Variants in KLHL2 observed in about 807,000 individuals in gnomAD.
The protein encoded by KLHL2 is kelch-like protein 2.
In KLHL2, 15 loss-of-function variants were observed where a neutral mutation model predicts 75.8. The observed-to-expected ratio is 0.20, with a 90% CI of 0.13 to 0.30. The LOEUF (loss-of-function observed/expected upper bound fraction) is 0.30, where lower values mean the gene tolerates loss of function less well. KLHL2 is among the 10% of genes least tolerant of loss of function. The probability of loss-of-function intolerance (pLI) is 1.00; values close to 1 mark genes in which losing one functional copy is unlikely to be tolerated. For synonymous variants in KLHL2, 214 were observed against 251.9 expected (o/e 0.85, Z 1.42); for missense variants, 381 against 741.0 (o/e 0.51, Z 5.64).
At position 165,305,540 on chromosome 4, in the gene KLHL2, G is replaced by A. The variant is rs1056644797; in HGVS notation, c.922-68G>A. Reference sequence around the variant, plus strand: ...TAACACTTCCCACACCAGTGTCTTTGTAGGACATTTTAAATCCTGAATATG... The same window carrying A: ...TAACACTTCCCACACCAGTGTCTTTATAGGACATTTTAAATCCTGAATATG... On this transcript the variant is annotated intron_variant, in intron 8 of 14. Transcript: ENST00000226725. 7.7e-5 allele frequency: 99 copies of A among 1,281,888 alleles called. No homozygotes were observed. The African/African-American group carries it at 1.4e-3, about 18-fold the overall frequency. 79.4% of individuals were successfully genotyped at this position (1,281,888 alleles called of 1,614,324 possible).
intron 12 of KLHL2, 70 bp from the exon 13 acceptor site, chr4:165,313,956 T>G: frequency 2.1e-6 from 3 of 1,458,424 alleles, no homozygotes; most frequent in Non-Finnish European, 2.8e-6. Flanking sequence ...ACAAGTCATT[T>G]AAATAAACCT....
At chr4:165,299,458 T>G in intron 7 of KLHL2, 49 bp from the exon 8 acceptor site, 4 of 1,481,128 alleles carry the variant, frequency 2.7e-6, no homozygotes, top group Non-Finnish European at 2.7e-6. Context: ...GGCAATTTAA[T>G]TATGAAATAG....
intron 5 of KLHL2, among the ~76,000 whole-genome samples, chr4:165,267,206 T>G (rs1023544247): frequency 6.6e-6 from 1 of 152,234 alleles, no homozygotes; most frequent in African/African-American, 2.4e-5. Context: ...CTTAAGGATA[T>G]TTTGGGCTGA....
At chr4:165,317,720 T>G in intron 13 of KLHL2, 106 bp from the exon 14 acceptor site, 1 of 848,098 alleles carries the variant, frequency 1.2e-6, no homozygotes, top group Non-Finnish European at 1.9e-6. Flanking sequence ...CTTGCCTCCT[T>G]TCAAAGAAAT....
chr4:165,318,027 T>C (rs1746708410), intron 14 of KLHL2, 58 bp downstream of exon 14: 2 of 1,497,718 alleles, frequency 1.3e-6, no homozygotes, highest in Non-Finnish European at 1.8e-6. Flanking sequence ...TTATGAATGT[T>C]ATATTAACGA....
intron 2 of KLHL2, among the ~76,000 whole-genome samples, chr4:165,223,690 A>G (rs1489524698): frequency 2.0e-5 from 3 of 152,168 alleles, no homozygotes; most frequent in East Asian, 1.9e-4. Flanking sequence ...GCTAAGATTA[A>G]TGATGTTGGA....
chr4:165,316,993 A>G (rs1186132782), intron 13 of KLHL2, among the ~76,000 whole-genome samples: 1 of 152,302 alleles, frequency 6.6e-6, no homozygotes, highest in Non-Finnish European at 1.5e-5. Flanking sequence ...AAGAGACATA[A>G]GGTTGGAGGT....
chr4:165,316,136 T>C (rs1175939155), intron 13 of KLHL2, among the ~76,000 whole-genome samples: 1 of 152,210 alleles, frequency 6.6e-6, no homozygotes, highest in Non-Finnish European at 1.5e-5. Context: ...AGTGGGTTAG[T>C]AAAATTGATG....
At chr4:165,210,917 A>T (rs545158319) in intron 1 of KLHL2, among the ~76,000 whole-genome samples, 4 of 152,102 alleles carry the variant, frequency 2.6e-5, no homozygotes, top group African/African-American at 9.7e-5. Context: ...CTCCATTTTC[A>T]CAAGTCGGCT....
chr4:165,219,398 A>G lies in KLHL2; in HGVS notation c.27-536A>G, dbSNP rs143240346. ...GTAAACTACTCAGCACAGGGCTGCCATATGGTAAATACTCAATAACTATTA... is the reference window on the plus strand; with the variant it reads ...GTAAACTACTCAGCACAGGGCTGCCGTATGGTAAATACTCAATAACTATTA... On this transcript the variant is annotated intron_variant, in intron 1 of 14. Coordinates refer to ENST00000226725, the MANE Select transcript of KLHL2 (RefSeq NM_007246.4). Among the ~76,000 whole-genome samples the G allele has an allele frequency of 3.5e-3, 536 of 152,372 alleles. 7 individuals carry two copies. The East Asian group carries it at 0.055, about 16-fold the overall frequency.
intron 2 of KLHL2, 31 bp downstream of exon 2, chr4:165,220,090 T>C (rs750860457): frequency 6.3e-7 from 1 of 1,577,876 alleles, no homozygotes; most frequent in African/African-American, 1.4e-5. Flanking sequence ...ATGCAACCAT[T>C]GGTTTCGTCC....
intron 4 of KLHL2, among the ~76,000 whole-genome samples, chr4:165,248,185 T>C (rs765524957): frequency 6.6e-6 from 1 of 151,654 alleles, no homozygotes; most frequent in Non-Finnish European, 1.5e-5. Context: ...TGAGAAAGAG[T>C]GGAGGAGGAA....
intron 2 of KLHL2, among the ~76,000 whole-genome samples, chr4:165,224,221 A>G (rs1738245170): frequency 6.6e-6 from 1 of 152,160 alleles, no homozygotes; most frequent in African/African-American, 2.4e-5. Context: ...TGTGTTTAAA[A>G]TAAATTAAAA....
At chr4:165,259,864 C>T (rs201239889) in intron 4 of KLHL2, among the ~76,000 whole-genome samples, 4 of 152,038 alleles carry the variant, frequency 2.6e-5, no homozygotes, top group Non-Finnish European at 4.4e-5. Flanking sequence ...TTGGTCAAGC[C>T]GTTTAACCCC....
chr4:165,277,953 C>T (rs777118450), intron 5 of KLHL2: 16 of 1,001,454 alleles, frequency 1.6e-5, no homozygotes, highest in Admixed American at 6.7e-5. Context: ...GTAAAAAGCT[C>T]GCATCTTGGG....
intron 1 of KLHL2, among the ~76,000 whole-genome samples, chr4:165,209,165 A>G (rs1737038126): frequency 6.6e-6 from 1 of 152,122 alleles, no homozygotes; most frequent in African/African-American, 2.4e-5. Context: ...TGTGGCTTTG[A>G]GGGCTCTGAG....
chr4:165,255,818 C>A (rs558454971), intron 4 of KLHL2, among the ~76,000 whole-genome samples: 2 of 152,214 alleles, frequency 1.3e-5, no homozygotes, highest in African/African-American at 4.8e-5. Flanking sequence ...ACAACAGCAA[C>A]AACAAAAGCT....
intron 3 of KLHL2, among the ~76,000 whole-genome samples, chr4:165,238,530 A>C (rs1295023860): frequency 6.6e-6 from 1 of 152,224 alleles, no homozygotes; most frequent in Non-Finnish European, 1.5e-5. Context: ...ATGCAGCTGG[A>C]CATATGGCAC....
chr4:165,250,229 C>T (rs1740596202), intron 4 of KLHL2, among the ~76,000 whole-genome samples: 2 of 152,208 alleles, frequency 1.3e-5, no homozygotes, highest in African/African-American at 4.8e-5. Context: ...CCAACATTGC[C>T]CTCCACCCAT....
Sources: allele counts gnomAD v4.1 joint callset (sites outside exome capture counted in the v4.1 genomes callset), GRCh38; gene constraint gnomAD v4.1.1; transcripts MANE v1.5; gene names NCBI Gene and HGNC (gene_info 2026-07-23, HGNC 2026-07-21).